ATXN2: variants seen among roughly 807,000 people sequenced by gnomAD.
ATXN2 encodes ataxin 2.
In ATXN2, 37 loss-of-function variants were observed where a neutral mutation model predicts 138.6. The observed-to-expected ratio is 0.27, with a 90% CI of 0.21 to 0.35. ATXN2 has a LOEUF of 0.35. Among genes scored for constraint, ATXN2 ranks in the 10% least tolerant of loss-of-function variants. The probability of loss-of-function intolerance (pLI) is 1.00; values close to 1 mark genes in which losing one functional copy is unlikely to be tolerated. For synonymous variants in ATXN2, 549 were observed against 543.7 expected (o/e 1.01, Z -0.13); for missense variants, 1,216 against 1,480.3 (o/e 0.82, Z 2.93).
chr12:111,599,083 AGCCGGGC>A lies in ATXN2; in HGVS notation c.-56_-50del. 7.3e-7 allele frequency: 1 copy of A among 1,378,362 alleles called. No individual in the cohort carries two copies. The highest frequency in any genetic ancestry group is 9.4e-7 in the Non-Finnish European group (1 of 1,065,276). The allele number at this position is 1,378,362 out of a possible 1,614,324, so 85.4% of individuals were successfully genotyped here. A position where few individuals can be genotyped will look rare whatever the true frequency, so the allele number is the denominator to read the frequency against. ...CGCACGCCGGGCGGGGACAGCCGGG[AGCCGGGC>A]GCGCCAAGGAGACGCCGGAACGCGG... is the stretch of plus-strand genomic sequence containing the variant. On this transcript the variant is annotated 5_prime_UTR_variant, in exon 1 of 25. Coordinates refer to ENST00000673436, the MANE Select transcript of ATXN2 (RefSeq NM_001372574.1).
At chr12:111,588,247 T>C (rs1884445811) in intron 1 of ATXN2, among the ~76,000 whole-genome samples, 1 of 151,878 alleles carries the variant, frequency 6.6e-6, no homozygotes, top group South Asian at 2.1e-4. Flanking sequence ...GTAAAGTCAC[T>C]TGACACAACT....
At chr12:111,458,050 A>G (rs981393522) in intron 21 of ATXN2, 1 of 152,270 alleles carries the variant, frequency 6.6e-6, no homozygotes, top group African/African-American at 2.4e-5. Flanking sequence ...GCCAGTTTAA[A>G]TCAAAATAAA....
rs1298049714 is a variant in ATXN2 at position 111,452,485 on chromosome 12, TC to T, written c.*326del. The T allele has an allele frequency of 4.7e-6, 1 of 211,196 alleles. No individual in the cohort carries two copies. The highest frequency in any genetic ancestry group is 9.3e-6 in the Non-Finnish European group (1 of 107,660). 13.1% of individuals were successfully genotyped at this position (211,196 alleles called of 1,614,324 possible). A position where few individuals can be genotyped will look rare whatever the true frequency, so the allele number is the denominator to read the frequency against. On this transcript the variant is annotated 3_prime_UTR_variant, in exon 25 of 25. Transcript: ENST00000673436. ...AGCAGCAAGAATCACTCTTGTTACT[TC>T]TTTTGCTAGCTGATGTGTTCATGAC...
rs1336646611 is a variant in ATXN2, at chr12:111,470,249, A to C, written c.2710-9T>G. The C allele has an allele frequency of 6.2e-7, 1 of 1,611,196 alleles. No homozygotes were observed. The highest frequency in any genetic ancestry group is 1.3e-5 in the African/African-American group (1 of 74,788). On this transcript the variant is annotated splice_polypyrimidine_tract_variant and intron_variant, in intron 19 of 24. Coordinates refer to ENST00000673436, the MANE Select transcript of ATXN2 (RefSeq NM_001372574.1). ...CTATAGACATGAGGATGCTGTGTTC[A>C]AACAAAAAATAAAGAAAGCACATTA...
intron 18 of ATXN2, chr12:111,471,330 T>G (rs914324226): frequency 2.6e-5 from 4 of 152,884 alleles, no homozygotes; most frequent in Non-Finnish European, 5.8e-5. Context: ...GTGGTCTGCA[T>G]GTAAGGGCCT....
At chr12:111,455,202 C>T (rs1262992048) in intron 23 of ATXN2, 3 of 691,880 alleles carry the variant, frequency 4.3e-6, no homozygotes, top group Non-Finnish European at 8.0e-6. Flanking sequence ...GTAGCAGAGA[C>T]ATCTAATACA....
intron 1 of ATXN2, among the ~76,000 whole-genome samples, chr12:111,568,583 TA>T (rs1883142971): frequency 6.6e-6 from 1 of 152,152 alleles, no homozygotes; most frequent in Non-Finnish European, 1.5e-5. Context: ...CCCCTTCCAG[TA>T]AAACTGTAAG....
chr12:111,564,559 T>C (rs1307391078), intron 1 of ATXN2, among the ~76,000 whole-genome samples: 1 of 151,076 alleles, frequency 6.6e-6, no homozygotes, highest in Non-Finnish European at 1.5e-5. Context: ...CCTGAGACTT[T>C]ACATAAAAAG....
At position 111,518,349 on chromosome 12, in the gene ATXN2, A is replaced by T; in HGVS notation, c.1065T>A (p.Arg355=). 6.2e-7 allele frequency: 1 copy of T among 1,613,640 alleles called. No individual in the cohort carries two copies. Among genetic ancestry groups the T allele is most frequent in the South Asian group, 1.1e-5 (1 of 91,024 alleles). ...SWGSGRQNSP[R]MGQPGSGSMP... ...TGGAGCCCGATCCAGGCTGGCCCATACGCGGTGAATTCTGTCTCCCACTTC... is the reference window on the plus strand; with the variant it reads ...TGGAGCCCGATCCAGGCTGGCCCATTCGCGGTGAATTCTGTCTCCCACTTC... Residue 355 remains arginine, a synonymous_variant, in exon 9 of 25, where the codon CGT becomes CGA. Coordinates refer to ENST00000673436, the MANE Select transcript of ATXN2 (RefSeq NM_001372574.1).
intron 1 of ATXN2, among the ~76,000 whole-genome samples, chr12:111,592,741 C>T (rs142496500): frequency 0.11 from 13,463 of 126,332 alleles, 2,291 homozygotes; most frequent in African/African-American, 0.36. Context: ...AGAGATCGTG[C>T]CACTGCACTC....
intron 14 of ATXN2, among the ~76,000 whole-genome samples, chr12:111,500,040 G>A (rs898279520): frequency 3.3e-5 from 5 of 152,180 alleles, no homozygotes; most frequent in Non-Finnish European, 7.3e-5. Context: ...AACCACTATG[G>A]AGAACAGTAT....
intron 11 of ATXN2, chr12:111,511,465 T>TG (rs923517738): frequency 7.9e-5 from 12 of 152,044 alleles, no homozygotes; most frequent in African/African-American, 2.7e-4. Flanking sequence ...AGCAGATTTT[T>TG]TTTTTTTTTT....
At chr12:111,525,416 C>T (rs1010637189) in intron 5 of ATXN2, 100 bp from the exon 6 acceptor site, 44 of 1,223,792 alleles carry the variant, frequency 3.6e-5, no homozygotes, top group South Asian at 7.0e-5. Flanking sequence ...AAAACAATTA[C>T]GAAAAATGAA....
chr12:111,584,659 A>T (rs1592929972), intron 1 of ATXN2, among the ~76,000 whole-genome samples: 1 of 151,968 alleles, frequency 6.6e-6, no homozygotes, highest in Admixed American at 6.6e-5. Flanking sequence ...GTGAAACCCC[A>T]TCTCTACTAA....
intron 20 of ATXN2, among the ~76,000 whole-genome samples, chr12:111,465,367 G>A (rs1219444474): frequency 6.6e-6 from 1 of 151,648 alleles, no homozygotes; most frequent in Non-Finnish European, 1.5e-5. Flanking sequence ...AATCAAAAAA[G>A]GATTCTGGAT....
chr12:111,470,855 G>T, intron 18 of ATXN2, 113 bp from the exon 19 acceptor site: 2 of 1,122,546 alleles, frequency 1.8e-6, no homozygotes, highest in Non-Finnish European at 2.6e-6. Context: ...CGTCTCTGAT[G>T]CCATCTCATA....
Position 111,599,206 on chromosome 12 carries a change from G to T in ATXN2, c.-172C>A. On this transcript the variant is annotated 5_prime_UTR_variant, in exon 1 of 25. Coordinates refer to ENST00000673436, the MANE Select transcript of ATXN2 (RefSeq NM_001372574.1). Reference sequence around the variant, plus strand: ...CGAGGGGGAGAAGGAGGACGACGAAGGGGCGGGGAGGCCCGCCGAGACCAA... The same window carrying T: ...CGAGGGGGAGAAGGAGGACGACGAATGGGCGGGGAGGCCCGCCGAGACCAA... 1 of 1,202,804 alleles carries T rather than the reference G, an allele frequency of 8.3e-7. No homozygotes were observed. The highest frequency in any genetic ancestry group is 1.0e-6 in the Non-Finnish European group (1 of 969,938). 74.5% of individuals were successfully genotyped at this position (1,202,804 alleles called of 1,614,324 possible). A position where few individuals can be genotyped will look rare whatever the true frequency, so the allele number is the denominator to read the frequency against.
chr12:111,481,618 T>C (rs1877245757), intron 18 of ATXN2, among the ~76,000 whole-genome samples: 1 of 152,158 alleles, frequency 6.6e-6, no homozygotes, highest in Non-Finnish European at 1.5e-5. Context: ...TCACAGCATT[T>C]CTACTTTAGG....
intron 5 of ATXN2, among the ~76,000 whole-genome samples, chr12:111,530,212 A>G (rs1880738775): frequency 6.6e-6 from 1 of 152,212 alleles, no homozygotes; most frequent in Non-Finnish European, 1.5e-5. Flanking sequence ...AGTACCTACA[A>G]TGCACTCATA....
Sources: allele counts gnomAD v4.1 joint callset (sites outside exome capture counted in the v4.1 genomes callset), GRCh38; gene constraint gnomAD v4.1.1; transcripts MANE v1.5; gene names NCBI Gene and HGNC (gene_info 2026-07-23, HGNC 2026-07-21).